GLI3: variants seen among roughly 807,000 people sequenced by gnomAD.
The protein encoded by GLI3 is transcription activator GLI3.
In GLI3, 20 loss-of-function variants were observed where a neutral mutation model predicts 100.8. The ratio of observed to expected loss-of-function variants is 0.20; its 90% CI spans 0.14 to 0.29. The LOEUF is 0.29. GLI3 is among the 10% of genes least tolerant of loss of function. The pLI, the probability that GLI3 is intolerant of heterozygous loss-of-function variation, is 1.00. For missense variants in GLI3, 2,040 were observed against 2,128.5 expected (o/e 0.96, Z 0.82); for synonymous variants, 938 against 860.5 (o/e 1.09, Z -1.58).
At position 42,244,307 on chromosome 7, in the gene GLI3, GA is replaced by G. The variant is rs201725452; in HGVS notation, c.-43+19686del. On this transcript the variant is annotated intron_variant, in intron 1 of 2. Transcript: ENST00000678978. ...CTTACTTTTTATTTGAAATAACAAT[GA>G]AAAAAAATTCATTCTGCTAACTTCT... Among the ~76,000 whole-genome samples the G allele has an allele frequency of 5.4e-3, 825 of 152,034 alleles. 2 individuals carry two copies. Among genetic ancestry groups the G allele is most frequent in the African/African-American group, 0.018 (750 of 41,476 alleles).
intron 3 of GLI3, among the ~76,000 whole-genome samples, chr7:42,079,379 A>G (rs1477678442): frequency 1.3e-5 from 2 of 152,236 alleles, no homozygotes; most frequent in Non-Finnish European, 2.9e-5. Context: ...GACATATACT[A>G]GTTTATGTTT....
chr7:41,978,683 T>C lies in GLI3; in HGVS notation c.1563A>G (p.Ser521=). The C allele has an allele frequency of 6.2e-7, 1 of 1,612,974 alleles. No individual in the cohort carries two copies. Among genetic ancestry groups the C allele is most frequent in the Non-Finnish European group, 8.5e-7 (1 of 1,178,888 alleles). Residue 521 remains serine, a synonymous_variant, in exon 11 of 15, where the codon TCA becomes TCG. Transcript: ENST00000395925. ...KEFVCRWLDC[S]REQKPFKAQY... is the part of the protein sequence containing the mutation. ...GGGCTTTGAAGGGTTTCTGCTCTCT[T>C]GAGCAGTCCAGCCACCTGCACACGA...
intron 7 of GLI3, among the ~76,000 whole-genome samples, chr7:42,038,935 G>A (rs973803127): frequency 5.3e-5 from 8 of 152,152 alleles, no homozygotes; most frequent in Admixed American, 2.6e-4. Context: ...TAACGCTACC[G>A]CTCATTCATA....
intron 1 of GLI3, among the ~76,000 whole-genome samples, chr7:42,260,782 G>A (rs1421492434): frequency 6.6e-6 from 1 of 152,204 alleles, no homozygotes; most frequent in Non-Finnish European, 1.5e-5. Flanking sequence ...TGAATTTTGA[G>A]TACATTTTGC....
At chr7:42,255,078 T>C (rs1267339722) in intron 1 of GLI3, among the ~76,000 whole-genome samples, 1 of 151,646 alleles carries the variant, frequency 6.6e-6, no homozygotes. Context: ...CTGTTTCTGT[T>C]TTTTTTTTTG....
intron 3 of GLI3, among the ~76,000 whole-genome samples, chr7:42,111,970 G>A (rs1398864938): frequency 6.6e-6 from 1 of 152,170 alleles, no homozygotes; most frequent in Non-Finnish European, 1.5e-5. Context: ...GGACATCCAG[G>A]AAATAGGAGC....
intron 1 of GLI3, among the ~76,000 whole-genome samples, chr7:42,233,205 G>T (rs1379095435): frequency 6.6e-6 from 1 of 152,100 alleles, no homozygotes; most frequent in Non-Finnish European, 1.5e-5. Flanking sequence ...ATCTAAAGTG[G>T]CTCTAAATTA....
upstream of GLI3, among the ~76,000 whole-genome samples, chr7:42,239,098 T>C (rs1349613622): frequency 6.6e-6 from 1 of 152,232 alleles, no homozygotes; most frequent in Non-Finnish European, 1.5e-5. Context: ...GTGGAAGTGG[T>C]GGAGGTAAGG....
intron 13 of GLI3, among the ~76,000 whole-genome samples, chr7:41,971,253 G>C (rs1052333911): frequency 1.3e-5 from 2 of 152,180 alleles, no homozygotes; most frequent in African/African-American, 4.8e-5. Context: ...AGAAAATGCT[G>C]GCTTTAAGTA....
chr7:42,208,081 C>T (rs1788191319), intron 2 of GLI3, among the ~76,000 whole-genome samples: 1 of 152,164 alleles, frequency 6.6e-6, no homozygotes, highest in Non-Finnish European at 1.5e-5. Context: ...ATCACTTGAA[C>T]CTGGGAGGCA....
chr7:42,101,880 C>G (rs1449542286), intron 3 of GLI3, among the ~76,000 whole-genome samples: 1 of 128,770 alleles, frequency 7.8e-6, no homozygotes, highest in Admixed American at 7.6e-5. Context: ...GTTCCCCTTC[C>G]TGTGTCCATG....
At chr7:42,138,130 T>A (rs1786474278) in intron 3 of GLI3, among the ~76,000 whole-genome samples, 1 of 152,186 alleles carries the variant, frequency 6.6e-6, no homozygotes, top group South Asian at 2.1e-4. Flanking sequence ...CCTAGAATAG[T>A]GTCTGACTCA....
At chr7:42,166,135 G>A (rs1787236540) in intron 2 of GLI3, among the ~76,000 whole-genome samples, 1 of 152,154 alleles carries the variant, frequency 6.6e-6, no homozygotes, top group Non-Finnish European at 1.5e-5. Flanking sequence ...ACCATCCTCA[G>A]CCCCTTCTGT....
At chr7:42,245,544 G>T (rs1188687728) in intron 1 of GLI3, among the ~76,000 whole-genome samples, 1 of 152,014 alleles carries the variant, frequency 6.6e-6, no homozygotes, top group Non-Finnish European at 1.5e-5. Flanking sequence ...AGCCAGGCTT[G>T]GTGGCAAGCA....
intron 13 of GLI3, among the ~76,000 whole-genome samples, chr7:41,969,927 G>T (rs1488561117): frequency 1.3e-5 from 2 of 152,166 alleles, no homozygotes; most frequent in Non-Finnish European, 2.9e-5. Flanking sequence ...AGTGTGATTT[G>T]TTATGGAAAC....
intron 3 of GLI3, among the ~76,000 whole-genome samples, chr7:42,125,711 G>A (rs942170525): frequency 1.3e-5 from 2 of 152,144 alleles, no homozygotes; most frequent in African/African-American, 4.8e-5. Flanking sequence ...CAATGTTCAG[G>A]ATTATACTCT....
intron 2 of GLI3, among the ~76,000 whole-genome samples, chr7:42,177,483 G>A (rs977731966): frequency 1.3e-5 from 2 of 152,166 alleles, no homozygotes; most frequent in African/African-American, 4.8e-5. Context: ...GTGCAAAAAG[G>A]AAGAGAACAC....
At chr7:42,248,007 A>ATT (rs1788993000) in intron 1 of GLI3, among the ~76,000 whole-genome samples, 2 of 152,216 alleles carry the variant, frequency 1.3e-5, no homozygotes, top group African/African-American at 4.8e-5. Context: ...AAGAAATACA[A>ATT]TGAGTGTTTG....
intron 10 of GLI3, among the ~76,000 whole-genome samples, chr7:41,997,182 G>A (rs1336468046): frequency 6.6e-6 from 1 of 152,132 alleles, no homozygotes; most frequent in Non-Finnish European, 1.5e-5. Flanking sequence ...TATAATGTAA[G>A]CCTATGGTAC....
Sources: allele counts gnomAD v4.1 joint callset (sites outside exome capture counted in the v4.1 genomes callset), GRCh38; gene constraint gnomAD v4.1.1; transcripts MANE v1.5; gene names NCBI Gene and HGNC (gene_info 2026-07-23, HGNC 2026-07-21).